Variants in KIAA1549 observed in about 807,000 individuals in gnomAD.
KIAA1549 encodes UPF0606 protein KIAA1549.
Under a neutral mutation model 156.4 loss-of-function variants are expected in KIAA1549, and 70 were observed. The ratio of observed to expected loss-of-function variants is 0.45; its 90% CI spans 0.37 to 0.55. The LOEUF (loss-of-function observed/expected upper bound fraction) is 0.55, where lower values mean the gene tolerates loss of function less well. Ranked by LOEUF, KIAA1549 falls within the 20% of genes least tolerant of loss-of-function variation. KIAA1549 has a pLI of 0.00. For synonymous variants in KIAA1549, 1,103 were observed against 1,066.4 expected, an observed-to-expected ratio of 1.03 and a Z score of -0.67; for missense variants, 2,428 against 2,540.9, an observed-to-expected ratio of 0.96 and a Z score of 0.96.
intron 2 of KIAA1549, among the ~76,000 whole-genome samples, chr7:138,914,790 T>C (rs542589933): frequency 6.6e-6 from 1 of 152,344 alleles, no homozygotes; most frequent in African/African-American, 2.4e-5. Context: ...GGCTGAATTT[T>C]ACTCCAAAGA....
rs765481750 is a variant in KIAA1549 at position 138,918,595 on chromosome 7, G to A, written c.1031C>T (p.Thr344Ile). 1.2e-6 allele frequency: 2 copies of A among 1,614,054 alleles called. No homozygotes were observed. Among genetic ancestry groups the A allele is most frequent in the Non-Finnish European group, 1.7e-6 (2 of 1,179,902 alleles). Reference sequence around the variant, plus strand: ...AAGGGCTGCGTGCGATGCAGTCACAGTGGGGTATGTTCTTGGAGAGATGGT... The same window carrying A: ...AAGGGCTGCGTGCGATGCAGTCACAATGGGGTATGTTCTTGGAGAGATGGT... ...EETISPRTYP[T>I]VTASHAALAF... Residue 344 changes from threonine (T) to isoleucine (I), a missense_variant, in exon 2 of 20, where the codon ACT becomes ATT. Thr to Ile is a moderately conservative substitution (Grantham distance 89). Transcript: ENST00000422774. The surrounding 1 kb of genome is among the most constrained non-coding windows in gnomAD (Gnocchi z 4.2).
chr7:138,916,996 A>C lies in KIAA1549; in HGVS notation c.2630T>G (p.Leu877Arg). 1 of 1,600,444 alleles carries C rather than the reference A, an allele frequency of 6.2e-7. No individual in the cohort carries two copies. The highest frequency in any genetic ancestry group is 8.5e-7 in the Non-Finnish European group (1 of 1,173,114). The change falls in exon 2 of 20, where the codon CTG becomes CGG. Residue 877 changes from leucine to arginine, a missense_variant. Leu to Arg is a moderately radical substitution (Grantham distance 102). Transcript: ENST00000422774. ...GPSLTPTEVPLNTSTEVSTTS... is the reference protein window; with the variant it reads ...GPSLTPTEVPRNTSTEVSTTS... ...TGTGCTCACTTCCGTGGAGGTGTTC[A>C]GTGGCACCTCTGTGGGTGTGAGTGA...
At chr7:138,950,242 CT>C (rs1383364011) in intron 1 of KIAA1549, among the ~76,000 whole-genome samples, 2 of 152,134 alleles carry the variant, frequency 1.3e-5, no homozygotes, top group Admixed American at 1.3e-4. Flanking sequence ...TACATTAGAT[CT>C]TTTATTATAA....
chr7:138,884,918 G>A (rs111557742), intron 10 of KIAA1549, among the ~76,000 whole-genome samples: 4,227 of 152,324 alleles, frequency 0.028, 218 homozygotes, highest in African/African-American at 0.095. Context: ...GTGGAGGGCC[G>A]GGCACAGTGG....
chr7:138,863,558 C>T (rs1810650121), intron 15 of KIAA1549, among the ~76,000 whole-genome samples: 1 of 152,116 alleles, frequency 6.6e-6, no homozygotes, highest in African/African-American at 2.4e-5. Flanking sequence ...TTGGCCTACA[C>T]ACTCTTTTAA....
intron 16 of KIAA1549, among the ~76,000 whole-genome samples, chr7:138,853,736 G>A (rs1584704366): frequency 6.6e-6 from 1 of 152,260 alleles, no homozygotes; most frequent in African/African-American, 2.4e-5. Flanking sequence ...GGTTATGGAG[G>A]AAGGGAGAAA....
intron 1 of KIAA1549, 126 bp downstream of exon 1, chr7:138,980,957 C>T (rs1466753935): frequency 1.1e-6 from 1 of 901,544 alleles, no homozygotes; most frequent in African/African-American, 1.8e-5. Context: ...AAGCATCTTC[C>T]AGAAAGGACG....
intron 17 of KIAA1549, among the ~76,000 whole-genome samples, chr7:138,845,532 G>A (rs111719234): frequency 1.0e-3 from 155 of 152,250 alleles, no homozygotes; most frequent in African/African-American, 3.6e-3. Context: ...TGAACTTTTC[G>A]TACTCTGTTA....
chr7:138,941,851 G>A (rs1012753177), intron 1 of KIAA1549, among the ~76,000 whole-genome samples: 1 of 152,174 alleles, frequency 6.6e-6, no homozygotes, highest in South Asian at 2.1e-4. Flanking sequence ...GGACCAGTAA[G>A]ATGAGGGAGC....
At position 138,879,558 on chromosome 7, in the gene KIAA1549, G is replaced by A. The variant is rs1426412480; in HGVS notation, c.4325C>T (p.Ser1442Phe). 9.6e-6 allele frequency: 15 copies of A among 1,564,512 alleles called. No homozygotes were observed. In the East Asian group the frequency reaches 1.7e-4, roughly 17 times the overall value. Residue 1442 changes from serine to phenylalanine, a missense_variant, in exon 12 of 20, where the codon TCC (serine) becomes TTC (phenylalanine). Around this residue, in one of 5 missense-constraint regions of KIAA1549, gnomAD observed 404 missense variants for 417.0 expected, o/e 0.97. Transcript: ENST00000422774. ...KTPGAVNDGRSHRAPQSGPPL... is the reference protein window; with the variant it reads ...KTPGAVNDGRFHRAPQSGPPL... ...CAGACCGCTCTGCGGAGCTCTGTGG[G>A]ACCTGCCATCGTTGACGGCTCCCGG...
chr7:138,851,752 A>G (rs1331006633), intron 17 of KIAA1549, among the ~76,000 whole-genome samples: 1 of 152,194 alleles, frequency 6.6e-6, no homozygotes, highest in African/African-American at 2.4e-5. Flanking sequence ...CCTAGAGCAT[A>G]ACCTCCAAAC....
chr7:138,951,841 T>C (rs1813508897), intron 1 of KIAA1549, among the ~76,000 whole-genome samples: 1 of 152,234 alleles, frequency 6.6e-6, no homozygotes, highest in Non-Finnish European at 1.5e-5. Context: ...AAGCACTTCA[T>C]AAATGACCAT....
intron 1 of KIAA1549, among the ~76,000 whole-genome samples, chr7:138,926,439 C>T (rs1233107701): frequency 3.9e-5 from 6 of 151,992 alleles, no homozygotes; most frequent in South Asian, 2.1e-4. Flanking sequence ...CGCCCACCAC[C>T]ACACCAAACC....
Position 138,837,947 on chromosome 7 carries a change from G to A in KIAA1549, c.5812C>T (p.Leu1938Phe), listed in dbSNP as rs1809783922. The change falls in exon 20 of 20, where the codon CTC becomes TTC. Residue 1938 changes from leucine (L) to phenylalanine (F), a missense_variant. Leu to Phe is a conservative substitution (Grantham distance 22). Transcript: ENST00000422774. ...IKAIREELLR[L>F]SQKQSTVQNF... ...TGCACGGTGCTCTGTTTCTGGGAGAGCCGGAGGAGCTCCTCGCGGATTGCT... is the reference window on the plus strand; with the variant it reads ...TGCACGGTGCTCTGTTTCTGGGAGAACCGGAGGAGCTCCTCGCGGATTGCT... 2 of 1,613,756 alleles carry A rather than the reference G, an allele frequency of 1.2e-6. No individual in the cohort carries two copies. Among genetic ancestry groups the A allele is most frequent in the African/African-American group, 2.7e-5 (2 of 74,942 alleles).
At chr7:138,866,993 G>A (rs1161084406) in intron 15 of KIAA1549, among the ~76,000 whole-genome samples, 1 of 151,894 alleles carries the variant, frequency 6.6e-6, no homozygotes, top group East Asian at 1.9e-4. Flanking sequence ...TGGAGAGACG[G>A]GGTTTCGCTA....
chr7:138,898,884 C>A, intron 9 of KIAA1549, 71 bp downstream of exon 9: 1 of 1,349,478 alleles, frequency 7.4e-7, no homozygotes, highest in Non-Finnish European at 1.1e-6. Flanking sequence ...ATTCAGAGCT[C>A]ACTGTCAGAA....
At chr7:138,954,074 T>C (rs1813584278) in intron 1 of KIAA1549, among the ~76,000 whole-genome samples, 1 of 152,156 alleles carries the variant, frequency 6.6e-6, no homozygotes, top group Non-Finnish European at 1.5e-5. Context: ...TAGTAAGCTA[T>C]TTAAGGAGAA....
At chr7:138,961,394 T>C (rs1324139058) in intron 1 of KIAA1549, among the ~76,000 whole-genome samples, 3 of 152,152 alleles carry the variant, frequency 2.0e-5, no homozygotes, top group Non-Finnish European at 2.9e-5. Context: ...AATAGATCTA[T>C]TAGGCTCCTA....
intron 1 of KIAA1549, among the ~76,000 whole-genome samples, chr7:138,921,445 T>C (rs553831069): frequency 5.3e-5 from 8 of 152,344 alleles, no homozygotes; most frequent in African/African-American, 1.9e-4. Flanking sequence ...TATTCCTATG[T>C]TGAAATCCCA....
Sources: allele counts gnomAD v4.1 joint callset (sites outside exome capture counted in the v4.1 genomes callset), GRCh38; gene constraint gnomAD v4.1.1; regional missense constraint gnomAD v4.1.1; non-coding constraint Gnocchi (gnomAD v3.1); transcripts MANE v1.5; gene names NCBI Gene and HGNC (gene_info 2026-07-23, HGNC 2026-07-21).